The following VCL variants were observed in gnomAD, a reference collection of about 807,000 sequenced individuals.
VCL encodes the protein vinculin.
A neutral mutation model predicts 125.7 loss-of-function variants in VCL; 47 were observed. The ratio of observed to expected loss-of-function variants is 0.37; its 90% CI spans 0.30 to 0.48. VCL has a LOEUF of 0.48. Among genes scored for constraint, VCL ranks in the 20% least tolerant of loss-of-function variants. The pLI is 0.99. For synonymous variants in VCL, 458 were observed against 514.6 expected (o/e 0.89, Z 1.49); for missense variants, 1,069 against 1,455.5 (o/e 0.73, Z 4.32).
chr10:74,096,308 A>G (rs953145049), intron 12 of VCL, among the ~76,000 whole-genome samples: 1 of 151,994 alleles, frequency 6.6e-6, no homozygotes, highest in Non-Finnish European at 1.5e-5. Context: ...GTTGAAGATC[A>G]CGTCACTGCA....
chr10:74,086,730 G>A (rs1396403690), intron 8 of VCL, among the ~76,000 whole-genome samples: 2 of 152,214 alleles, frequency 1.3e-5, no homozygotes, highest in Non-Finnish European at 2.9e-5. Context: ...ACAGTGAAGG[G>A]TAACTATGGT....
At chr10:74,101,585 GT>G (rs1840058768) in intron 14 of VCL, among the ~76,000 whole-genome samples, 1 of 110,672 alleles carries the variant, frequency 9.0e-6, no homozygotes, top group Non-Finnish European at 1.7e-5. Flanking sequence ...GTCTCGCTCT[GT>G]CGCCCAGGCC....
At chr10:74,091,791 C>CAAAAAAAAAAAAAAAAAAAAAAAAAA (rs545539526) in intron 10 of VCL, among the ~76,000 whole-genome samples, 1 of 61,106 alleles carries the variant, frequency 1.6e-5, no homozygotes, top group Non-Finnish European at 3.0e-5. Flanking sequence ...TCTGTCTCAG[C>CAAAAAAAAAAAAAAAAAAAAAAAAAA]AAAAAAAAAA....
At chr10:74,080,814 C>A (rs11000867) in intron 6 of VCL, among the ~76,000 whole-genome samples, 2,255 of 152,266 alleles carry the variant, frequency 0.015, 90 homozygotes, top group Admixed American at 0.071. Context: ...CTACCCAGTT[C>A]TCTGAGGTTA....
At chr10:74,101,542 GTTTTTTTTTTTTT>G in intron 14 of VCL, among the ~76,000 whole-genome samples, 1 of 88,142 alleles carries the variant, frequency 1.1e-5, no homozygotes, top group South Asian at 3.8e-4. Context: ...CTATTTATTA[GTTTTTTTTTTTTT>G]TTTTTTTTTT....
intron 1 of VCL, among the ~76,000 whole-genome samples, chr10:74,024,650 T>G (rs1840738760): frequency 6.6e-6 from 1 of 152,102 alleles, no homozygotes; most frequent in African/African-American, 2.4e-5. Context: ...TGTTACCATT[T>G]CAAGTTTTCA....
intron 2 of VCL, among the ~76,000 whole-genome samples, chr10:74,062,619 C>T (rs951284349): frequency 2.6e-5 from 4 of 152,024 alleles, no homozygotes; most frequent in African/African-American, 9.7e-5. Flanking sequence ...GGGTCTTATT[C>T]TGTCACCCAG....
chr10:74,071,438 T>C lies in VCL; in HGVS notation c.499+355T>C, dbSNP rs1841662393. On this transcript the variant is annotated intron_variant, in intron 4 of 21. Transcript: ENST00000211998. This position sits in a 1 kb window ranked among gnomAD's most constrained non-coding sequence, Gnocchi z 4.1. ...TTCCTTCACTGTCTGCCAGCTGGCC[T>C]GTAGTTCTTTATGACCTCTTAGCTT... Among the ~76,000 whole-genome samples the C allele has an allele frequency of 2.0e-5, 3 of 152,244 alleles. No individual in the cohort carries two copies. Among genetic ancestry groups the C allele is most frequent in the Non-Finnish European group, 4.4e-5 (3 of 68,034 alleles).
intron 18 of VCL, 48 bp from the exon 19 acceptor site, chr10:74,111,861 T>C (rs976918695): frequency 2.5e-6 from 4 of 1,610,336 alleles, no homozygotes; most frequent in Non-Finnish European, 3.4e-6. Context: ...GTCGTATTGC[T>C]CTTACTAACA....
In VCL at chr10:74,097,066, A is replaced by T. The variant is rs1839980046; in HGVS notation, c.1744-138A>T. 5.6e-6 allele frequency: 7 copies of T among 1,255,344 alleles called. No individual in the cohort carries two copies. The highest frequency in any genetic ancestry group is 7.9e-6 in the Non-Finnish European group (7 of 886,628). The allele number at this position is 1,255,344 out of a possible 1,614,324, so 77.8% of individuals were successfully genotyped here. ...AATTACACCTGTTCTGTGCTAGCTC[A>T]GTGCTTTGTACACAGTTAACAAATA... On this transcript the variant is annotated intron_variant, in intron 12 of 21. Coordinates refer to ENST00000211998, the MANE Select transcript of VCL (RefSeq NM_014000.3). The surrounding 1 kb of genome is among the most constrained non-coding windows in gnomAD (Gnocchi z 4.1).
chr10:74,083,145 T>G (rs1159980420), intron 7 of VCL, among the ~76,000 whole-genome samples: 1 of 152,262 alleles, frequency 6.6e-6, no homozygotes, highest in Admixed American at 6.5e-5. Flanking sequence ...TATCTCCAAA[T>G]AGATACAGTT....
At chr10:74,051,795 A>G (rs1270964300) in intron 2 of VCL, among the ~76,000 whole-genome samples, 3 of 152,202 alleles carry the variant, frequency 2.0e-5, no homozygotes, top group African/African-American at 4.8e-5. Flanking sequence ...GCAAACCCCA[A>G]AACTGAGGTT....
chr10:74,094,489 A>G, intron 11 of VCL, 28 bp downstream of exon 11: 1 of 1,604,686 alleles, frequency 6.2e-7, no homozygotes, highest in Non-Finnish European at 8.5e-7. Flanking sequence ...CTATAACCTC[A>G]TTAAATTGGT....
At chr10:74,081,944 G>A (rs1839682768) in intron 6 of VCL, among the ~76,000 whole-genome samples, 1 of 152,198 alleles carries the variant, frequency 6.6e-6, no homozygotes, top group Non-Finnish European at 1.5e-5. Flanking sequence ...CTTCCAACCA[G>A]TAATTCCAAG....
intron 5 of VCL, 44 bp downstream of exon 5, chr10:74,072,896 A>G (rs745332974): frequency 6.2e-7 from 1 of 1,611,870 alleles, no homozygotes; most frequent in Non-Finnish European, 8.5e-7. Flanking sequence ...GAAAAATGTT[A>G]GCATGTTCTA....
chr10:74,046,116 GT>G (rs1323980482), intron 2 of VCL, among the ~76,000 whole-genome samples: 1 of 152,090 alleles, frequency 6.6e-6, no homozygotes, highest in Non-Finnish European at 1.5e-5. Flanking sequence ...AGAAGCATCT[GT>G]TTTTTTGTAC....
At chr10:74,107,163 C>G in intron 16 of VCL, 67 bp from the exon 17 acceptor site, 1 of 1,612,804 alleles carries the variant, frequency 6.2e-7, no homozygotes, top group Non-Finnish European at 8.5e-7. Context: ...ACCAGTTCTG[C>G]TGCTGCACAG....
chr10:74,009,592 AG>A (rs1353905951), intron 1 of VCL, among the ~76,000 whole-genome samples: 1 of 151,472 alleles, frequency 6.6e-6, no homozygotes, highest in East Asian at 1.9e-4. Flanking sequence ...TGTTATGGAA[AG>A]GAAAGCTGTC....
chr10:74,114,326 G>A lies in VCL; in HGVS notation c.3092G>A (p.Arg1031Gln), dbSNP rs397517238. 27 of 1,613,830 alleles carry A rather than the reference G, an allele frequency of 1.7e-5. No homozygotes were observed. Among genetic ancestry groups the A allele is most frequent in the African/African-American group, 9.4e-5 (7 of 74,830 alleles). ...GCCAAGGCCTCAGATGAGGTGACTCGGTTGGCCAAGGAGGTTGCCAAGCAG... is the reference window on the plus strand; with the variant it reads ...GCCAAGGCCTCAGATGAGGTGACTCAGTTGGCCAAGGAGGTTGCCAAGCAG... ...DIAKASDEVT[R>Q]LAKEVAKQCT... is the part of the protein sequence containing the mutation. Residue 1031 changes from arginine to glutamine, a missense_variant, in exon 20 of 22, where the codon CGG becomes CAG. Transcript: ENST00000211998.
Sources: allele counts gnomAD v4.1 joint callset (sites outside exome capture counted in the v4.1 genomes callset), GRCh38; gene constraint gnomAD v4.1.1; non-coding constraint Gnocchi (gnomAD v3.1); transcripts MANE v1.5; gene names NCBI Gene and HGNC (gene_info 2026-07-23, HGNC 2026-07-21).